Variants in GNB1L observed in about 807,000 individuals in gnomAD.
GNB1L encodes G protein subunit beta 1 like.
GNB1L carries 20 observed loss-of-function variants against 29.1 expected under a neutral mutation model. The observed-to-expected ratio is 0.69, with a 90% CI of 0.48 to 1.00. The LOEUF (loss-of-function observed/expected upper bound fraction) is 1.00. Ranked by LOEUF, GNB1L falls within the 50% of genes least tolerant of loss-of-function variation. GNB1L has a pLI of 0.00. For missense variants in GNB1L, 421 were observed against 464.9 expected, an observed-to-expected ratio of 0.91 and a Z score of 0.87; for synonymous variants, 193 against 206.5, an observed-to-expected ratio of 0.93 and a Z score of 0.56.
intron 2 of GNB1L, among the ~76,000 whole-genome samples, chr22:19,830,303 A>T (rs1401374477): frequency 6.6e-6 from 1 of 152,192 alleles, no homozygotes; most frequent in Non-Finnish European, 1.5e-5. Context: ...CAAATAATAA[A>T]AAAAAAACTT....
In GNB1L at chr22:19,848,250, C is replaced by T. The variant is rs574493892; in HGVS notation, c.-21+6193G>A. The stretch of plus-strand genomic sequence containing the variant: ...ATTTCCAAGGGAAGTGAAGGACTGA[C>T]ACCATGATTAGAAAGCAGAGCCAGC... On this transcript the variant is annotated intron_variant, in intron 2 of 7. Transcript: ENST00000329517. 7.3e-5 allele frequency: 72 copies of T among 985,420 alleles called. No individual in the cohort carries two copies. In the Admixed American group the frequency reaches 2.0e-3, roughly 27 times the overall value. The allele number at this position is 985,420 out of a possible 1,614,324, so 61.0% of individuals were successfully genotyped here. A position where few individuals can be genotyped will look rare whatever the true frequency, so the allele number is the denominator to read the frequency against.
At chr22:19,809,935 C>G (rs1327489984) in intron 5 of GNB1L, among the ~76,000 whole-genome samples, 1 of 152,132 alleles carries the variant, frequency 6.6e-6, no homozygotes, top group Non-Finnish European at 1.5e-5. Context: ...GCCACCAGGC[C>G]CAGCTAACTT....
rs556805837 is a variant in GNB1L, at chr22:19,849,897, G to A, written c.-21+4546C>T. The A allele has an allele frequency of 2.7e-5, 27 of 985,464 alleles. No individual in the cohort carries two copies. In the African/African-American group the frequency reaches 4.5e-4, roughly 17 times the overall value. 61.0% of individuals were successfully genotyped at this position (985,464 alleles called of 1,614,324 possible). A position where few individuals can be genotyped will look rare whatever the true frequency, so the allele number is the denominator to read the frequency against. On this transcript the variant is annotated intron_variant, in intron 2 of 7. Transcript: ENST00000329517. ...ACCTGCCTATCCTGTGGTAAACTTG[G>A]CTCCAGGAGCTTCCAAGCTCAGCTT...
chr22:19,789,719 GC>G (rs1937231653), intron 7 of GNB1L, among the ~76,000 whole-genome samples: 2 of 152,024 alleles, frequency 1.3e-5, no homozygotes, highest in African/African-American at 4.8e-5. Flanking sequence ...GGTGGCATGT[GC>G]CTGTAATCCC....
chr22:19,814,681 C>T (rs980314575), intron 4 of GNB1L, among the ~76,000 whole-genome samples: 1 of 152,124 alleles, frequency 6.6e-6, no homozygotes, highest in African/African-American at 2.4e-5. Flanking sequence ...ACCCATCACC[C>T]CAGTCTTAAC....
chr22:19,808,144 C>T (rs1379783501), intron 5 of GNB1L, among the ~76,000 whole-genome samples: 1 of 152,196 alleles, frequency 6.6e-6, no homozygotes, highest in Non-Finnish European at 1.5e-5. Context: ...GCACCAGGAG[C>T]TCAGCCTCCA....
intron 7 of GNB1L, chr22:19,792,753 C>T (rs1254956877): frequency 1.3e-6 from 2 of 1,503,990 alleles, no homozygotes; most frequent in Non-Finnish European, 1.8e-6. Context: ...GAAAGCTCAG[C>T]TGGTGGTGAT....
chr22:19,847,193 G>C, intron 2 of GNB1L: 1 of 985,398 alleles, frequency 1.0e-6, no homozygotes, highest in Non-Finnish European at 1.2e-6. Context: ...GTAGGCTGTC[G>C]TCAGCACAGG....
At chr22:19,803,727 G>A (rs758232549) in intron 6 of GNB1L, among the ~76,000 whole-genome samples, 3 of 147,694 alleles carry the variant, frequency 2.0e-5, no homozygotes, top group South Asian at 2.3e-4. Context: ...AGGGCCAGGC[G>A]AGAGCAGCGG....
chr22:19,799,371 C>T (rs1328194754), intron 7 of GNB1L, among the ~76,000 whole-genome samples: 1 of 152,232 alleles, frequency 6.6e-6, no homozygotes, highest in African/African-American at 2.4e-5. Flanking sequence ...CCAGTCACCA[C>T]TTGACCCCGA....
chr22:19,821,626 AAC>A (rs1937580111), intron 2 of GNB1L, among the ~76,000 whole-genome samples: 5 of 152,046 alleles, frequency 3.3e-5, no homozygotes, highest in Non-Finnish European at 7.4e-5. Flanking sequence ...CTGCTGGGGG[AAC>A]TGGGAGCCCC....
chr22:19,801,289 C>T (rs1248810807), intron 7 of GNB1L, among the ~76,000 whole-genome samples: 2 of 152,188 alleles, frequency 1.3e-5, no homozygotes, highest in Non-Finnish European at 2.9e-5. Context: ...ACCCAGGCCA[C>T]ACCCAGCACC....
Position 19,787,413 on chromosome 22 carries a change from C to G in GNB1L, c.*1296G>C. 1 of 152,546 alleles carries G rather than the reference C, an allele frequency of 6.6e-6. No homozygotes were observed. The highest frequency in any genetic ancestry group is 3.2e-3 in the Middle Eastern group (1 of 316). 9.4% of individuals were successfully genotyped at this position (152,546 alleles called of 1,614,324 possible). ...GTCTGTTCCGGGAACTCCCCTGATC[C>G]ACCCCTGCTCCGGCCACCTGGATCC... On this transcript the variant is annotated 3_prime_UTR_variant, in exon 8 of 8. Coordinates refer to ENST00000329517, the MANE Select transcript of GNB1L (RefSeq NM_053004.3).
intron 2 of GNB1L, among the ~76,000 whole-genome samples, chr22:19,835,973 A>G (rs1331801625): frequency 6.6e-6 from 1 of 152,236 alleles, no homozygotes; most frequent in Non-Finnish European, 1.5e-5. Flanking sequence ...AGGTCTCCAA[A>G]TCAATGACCT....
At chr22:19,852,433 G>GAGAGCTGAGA in intron 2 of GNB1L, 1 of 669,084 alleles carries the variant, frequency 1.5e-6, no homozygotes, top group Non-Finnish European at 2.6e-6. Flanking sequence ...GCAGCCTCAG[G>GAGAGCTGAGA]AGAGCTGAGA....
chr22:19,853,671 C>A (rs1347400932), intron 2 of GNB1L, among the ~76,000 whole-genome samples: 8 of 152,122 alleles, frequency 5.3e-5, no homozygotes, highest in Admixed American at 5.2e-4. Context: ...ACTGGCCCTA[C>A]CTCCACCACC....
At chr22:19,799,974 C>T (rs12484377) in intron 7 of GNB1L, among the ~76,000 whole-genome samples, 16,894 of 152,248 alleles carry the variant, frequency 0.11, 1,557 homozygotes, top group East Asian at 0.45. Context: ...CCCAGGCCTC[C>T]TCCTGGCCCA....
chr22:19,796,593 C>G (rs1937308965), intron 7 of GNB1L, among the ~76,000 whole-genome samples: 1 of 152,164 alleles, frequency 6.6e-6, no homozygotes, highest in Non-Finnish European at 1.5e-5. Flanking sequence ...CTAATTAACT[C>G]AGCAGCCAGA....
At chr22:19,812,488 C>T (rs1937509919) in intron 4 of GNB1L, 41 bp from the exon 5 acceptor site, 2 of 1,568,808 alleles carry the variant, frequency 1.3e-6, no homozygotes, top group Non-Finnish European at 1.7e-6. Context: ...CTCCCCTTGA[C>T]AAGTGTCAGC....
Sources: gnomAD v4.1 joint callset for allele counts (sites outside exome capture counted in the v4.1 genomes callset) on GRCh38, gnomAD v4.1.1 for gene constraint, MANE v1.5 for transcripts, NCBI Gene and HGNC (gene_info 2026-07-23, HGNC 2026-07-21) for gene names.